Variants in TENM4 observed in about 807,000 individuals in gnomAD.
TENM4 encodes the protein teneurin-4.
Under a neutral mutation model 243.3 loss-of-function variants are expected in TENM4, and 82 were observed. That is an observed-to-expected ratio of 0.34 (90% confidence interval 0.28 to 0.40). The LOEUF is 0.40. Ranked by LOEUF, TENM4 falls within the 10% of genes least tolerant of loss-of-function variation. The pLI, the probability that TENM4 is intolerant of heterozygous loss-of-function variation, is 1.00. For missense variants in TENM4, 3,138 were observed against 3,673.3 expected (o/e 0.85, Z 3.77); for synonymous variants, 1,412 against 1,456.3 (o/e 0.97, Z 0.69).
chr11:79,342,095 T>G (rs1165367256), intron 1 of TENM4, among the ~76,000 whole-genome samples: 1 of 152,146 alleles, frequency 6.6e-6, no homozygotes, highest in African/African-American at 2.4e-5. Context: ...TTCCCCACAA[T>G]CACAGAGGAC....
At chr11:79,206,411 A>C (rs2135202913) in intron 3 of TENM4, among the ~76,000 whole-genome samples, 1 of 152,302 alleles carries the variant, frequency 6.6e-6, no homozygotes, top group Admixed American at 6.5e-5. Context: ...TTTTGTTGCC[A>C]GTGGTAGATA....
rs71050222 is a variant in TENM4 at position 79,440,860 on chromosome 11, AGTGT to A, written c.-676_-673del. Reference sequence around the variant, plus strand: ...GCGGGTGTGTGCGCGCGCGTGTGTGAGTGTGTGTGTGTGTGTGTGTGTTTAATAG... The same window carrying A: ...GCGGGTGTGTGCGCGCGCGTGTGTGAGTGTGTGTGTGTGTGTGTTTAATAG... On this transcript the variant is annotated 5_prime_UTR_variant, in exon 1 of 34. Coordinates refer to ENST00000278550, the MANE Select transcript of TENM4 (RefSeq NM_001098816.3). The surrounding 1 kb of genome is among the most constrained non-coding windows in gnomAD (Gnocchi z 4.7). The A allele has an allele frequency of 2.5e-3, 370 of 149,834 alleles. No homozygotes were observed. The highest frequency in any genetic ancestry group is 7.8e-3 in the African/African-American group (318 of 40,590). 9.3% of individuals were successfully genotyped at this position (149,834 alleles called of 1,614,324 possible). A position where few individuals can be genotyped will look rare whatever the true frequency, so the allele number is the denominator to read the frequency against.
intron 12 of TENM4, among the ~76,000 whole-genome samples, chr11:78,835,544 C>A (rs989533938): frequency 1.1e-4 from 16 of 152,104 alleles, no homozygotes; most frequent in African/African-American, 3.9e-4. Context: ...ACAAAAAAAG[C>A]CAGCATGCTT....
chr11:78,947,894 G>T (rs1342232053), intron 6 of TENM4, among the ~76,000 whole-genome samples: 1 of 152,170 alleles, frequency 6.6e-6, no homozygotes, highest in African/African-American at 2.4e-5. Flanking sequence ...TCTCTGTAAA[G>T]GTTTGGAGGG....
At chr11:79,025,384 A>G (rs555173089) in intron 6 of TENM4, among the ~76,000 whole-genome samples, 1 of 152,224 alleles carries the variant, frequency 6.6e-6, no homozygotes, top group Non-Finnish European at 1.5e-5. Flanking sequence ...TGCGCTTTTT[A>G]ATAATAATTA....
At chr11:79,167,169 C>T (rs1862933135) in intron 3 of TENM4, among the ~76,000 whole-genome samples, 1 of 152,224 alleles carries the variant, frequency 6.6e-6, no homozygotes. Flanking sequence ...CACATTTGAA[C>T]TCTTCCATAC....
chr11:78,803,146 C>T (rs1338846184), intron 15 of TENM4, among the ~76,000 whole-genome samples: 4 of 151,984 alleles, frequency 2.6e-5, no homozygotes, highest in African/African-American at 4.8e-5. Flanking sequence ...TTCTCCGCCT[C>T]AGCCTCCTGA....
intron 6 of TENM4, among the ~76,000 whole-genome samples, chr11:79,024,597 T>C (rs1328208436): frequency 6.6e-6 from 1 of 152,156 alleles, no homozygotes; most frequent in Non-Finnish European, 1.5e-5. Flanking sequence ...TCTGTGTACA[T>C]TTTTTTCTCC....
chr11:78,738,654 G>T (rs896400833), intron 19 of TENM4, 84 bp from the exon 20 acceptor site: 1 of 1,450,284 alleles, frequency 6.9e-7, no homozygotes. Flanking sequence ...GAGGCCAGAA[G>T]CCAGAAAATC....
intron 4 of TENM4, among the ~76,000 whole-genome samples, chr11:79,100,462 A>G (rs1293963685): frequency 6.6e-6 from 1 of 152,066 alleles, no homozygotes; most frequent in Non-Finnish European, 1.5e-5. Context: ...TCCCCACCTC[A>G]ACCTTTAATG....
chr11:78,764,830 G>T (rs1329013597), intron 18 of TENM4, among the ~76,000 whole-genome samples: 1 of 152,176 alleles, frequency 6.6e-6, no homozygotes, highest in East Asian at 1.9e-4. Flanking sequence ...GGCTGTGGAA[G>T]CCCAAAGGTG....
chr11:79,228,111 C>T (rs890678006), intron 2 of TENM4, among the ~76,000 whole-genome samples: 10 of 152,044 alleles, frequency 6.6e-5, no homozygotes, highest in South Asian at 2.1e-4. Flanking sequence ...ATAAACAGAC[C>T]GACACAGGCC....
intron 2 of TENM4, among the ~76,000 whole-genome samples, chr11:79,240,260 T>C (rs1864564561): frequency 6.6e-6 from 1 of 152,166 alleles, no homozygotes; most frequent in African/African-American, 2.4e-5. Flanking sequence ...GAAGCAACAA[T>C]GGGACTTGTG....
intron 1 of TENM4, among the ~76,000 whole-genome samples, chr11:79,409,610 A>G (rs1258169308): frequency 6.6e-6 from 1 of 152,130 alleles, no homozygotes; most frequent in Non-Finnish European, 1.5e-5. Flanking sequence ...CCTCTAGTCC[A>G]GGTCTCAGCT....
rs541634745 is a variant in TENM4, at chr11:79,148,452, G to GA, written c.-66+257dup. ...TGTGGGTTTCCCAGCATCCAGGAGG[G>GA]AATGGTCCGTACCTCTAAAACCCTT... On this transcript the variant is annotated intron_variant, in intron 4 of 33. Transcript: ENST00000278550. Among the ~76,000 whole-genome samples, 508 of 152,114 alleles carry GA rather than the reference G, an allele frequency of 3.3e-3. 3 individuals carry two copies. The highest frequency in any genetic ancestry group is 0.011 in the African/African-American group (475 of 41,498).
intron 15 of TENM4, among the ~76,000 whole-genome samples, chr11:78,800,590 C>G (rs143970821): frequency 2.4e-4 from 36 of 152,244 alleles, no homozygotes; most frequent in African/African-American, 8.7e-4. Context: ...TGCAGCCCCT[C>G]TCTTCCCTGT....
chr11:79,154,237 A>G (rs532548377), intron 3 of TENM4, among the ~76,000 whole-genome samples: 1 of 152,068 alleles, frequency 6.6e-6, no homozygotes, highest in African/African-American at 2.4e-5. Flanking sequence ...GAAGCTTCCA[A>G]TCATCGGGGA....
At chr11:79,420,776 G>A (rs1294022917) in intron 1 of TENM4, among the ~76,000 whole-genome samples, 1 of 152,068 alleles carries the variant, frequency 6.6e-6, no homozygotes, top group Non-Finnish European at 1.5e-5. Flanking sequence ...ACACAATACG[G>A]AAAAAATATT....
chr11:79,279,378 G>C (rs959740254), intron 2 of TENM4, among the ~76,000 whole-genome samples: 2 of 152,220 alleles, frequency 1.3e-5, no homozygotes, highest in Non-Finnish European at 2.9e-5. Flanking sequence ...CAGAAAGGGA[G>C]AGGAAGTGTA....
Sources: allele counts gnomAD v4.1 joint callset (sites outside exome capture counted in the v4.1 genomes callset), GRCh38; gene constraint gnomAD v4.1.1; non-coding constraint Gnocchi (gnomAD v3.1); transcripts MANE v1.5; gene names NCBI Gene and HGNC (gene_info 2026-07-23, HGNC 2026-07-21).